Variants in KLHL1 observed in about 807,000 individuals in gnomAD.
KLHL1 encodes kelch like family member 1.
In KLHL1, 47 loss-of-function variants were observed where a neutral mutation model predicts 77.7. That is an observed-to-expected ratio of 0.60 (90% CI 0.48 to 0.77). The LOEUF is 0.77. Among genes scored for constraint, KLHL1 ranks in the 30% least tolerant of loss-of-function variants. The pLI is 0.00. For missense variants in KLHL1, 925 were observed against 910.8 expected (o/e 1.02, Z -0.20); for synonymous variants, 360 against 325.2 (o/e 1.11, Z -1.15).
At chr13:70,042,293 G>T (rs905740670) in intron 1 of KLHL1, among the ~76,000 whole-genome samples, 1 of 152,086 alleles carries the variant, frequency 6.6e-6, no homozygotes, top group Non-Finnish European at 1.5e-5. Flanking sequence ...GTCTGTGTGT[G>T]CGTGCTTGTG....
At chr13:69,894,491 AC>A (rs1483312177) in intron 4 of KLHL1, 1 of 165,106 alleles carries the variant, frequency 6.1e-6, no homozygotes. Context: ...ATCTCTCACC[AC>A]CAAAATTTGA....
intron 6 of KLHL1, among the ~76,000 whole-genome samples, chr13:69,799,845 C>T (rs554035981): frequency 1.3e-5 from 2 of 152,236 alleles, no homozygotes; most frequent in South Asian, 2.1e-4. Context: ...GGAACCAGGA[C>T]GCACAGCAGG....
chr13:69,740,470 G>C lies in KLHL1; in HGVS notation c.1726C>G (p.Gln576Glu). Reference sequence around the variant, plus strand: ...GCTACAAATGTCCATTGTTGACTCTGTGGATCCCACCTTTCCACTGTATTC... The same window carrying C: ...GCTACAAATGTCCATTGTTGACTCTCTGGATCCCACCTTTCCACTGTATTC... ...YLNTVERWDP[Q>E]SQQWTFVASM... Residue 576 changes from glutamine (Q) to glutamate (E), a missense_variant, in exon 8 of 11, where the codon CAG (glutamine) becomes GAG (glutamate). By Grantham distance (29) the Gln-to-Glu change is conservative. Transcript: ENST00000377844. 5 of 1,613,084 alleles carry C rather than the reference G, an allele frequency of 3.1e-6. No homozygotes were observed. The highest frequency in any genetic ancestry group is 4.2e-6 in the Non-Finnish European group (5 of 1,179,314).
At chr13:70,042,296 T>C (rs1433977947) in intron 1 of KLHL1, among the ~76,000 whole-genome samples, 1 of 152,182 alleles carries the variant, frequency 6.6e-6, no homozygotes, top group Admixed American at 6.6e-5. Context: ...TGTGTGTGCG[T>C]GCTTGTGTGG....
At chr13:69,864,171 C>A (rs1206452007) in intron 5 of KLHL1, among the ~76,000 whole-genome samples, 1 of 151,790 alleles carries the variant, frequency 6.6e-6, no homozygotes, top group Non-Finnish European at 1.5e-5. Context: ...AGTAGGATGA[C>A]CTTGTTTACT....
chr13:70,103,939 C>T (rs1343134021), intron 1 of KLHL1, among the ~76,000 whole-genome samples: 1 of 152,076 alleles, frequency 6.6e-6, no homozygotes, highest in Non-Finnish European at 1.5e-5. Flanking sequence ...TCTGTAAAGA[C>T]AGTTTATGGA....
chr13:69,934,102 T>A (rs1378319495), intron 4 of KLHL1, among the ~76,000 whole-genome samples: 2 of 152,116 alleles, frequency 1.3e-5, no homozygotes, highest in Non-Finnish European at 2.9e-5. Flanking sequence ...GATATAACAC[T>A]TGCCTTGCAG....
In KLHL1 at chr13:69,859,496, T is replaced by C. The variant is rs531083021; in HGVS notation, c.1228-20334A>G. Among the ~76,000 whole-genome samples, 6 of 152,178 alleles carry C rather than the reference T, an allele frequency of 3.9e-5. No individual in the cohort carries two copies. The South Asian group carries it at 1.0e-3, about 26-fold the overall frequency. On this transcript the variant is annotated intron_variant, in intron 5 of 10. Transcript: ENST00000377844. ...AGTAGGGCAGACGCTGTGACAGCTC[T>C]GGTCCTTCCCTCTAGGATATGCTAA... is the stretch of plus-strand genomic sequence containing the variant.
intron 1 of KLHL1, among the ~76,000 whole-genome samples, chr13:70,057,842 T>C (rs192115192): frequency 1.4e-5 from 2 of 142,136 alleles, no homozygotes; most frequent in South Asian, 4.6e-4. Flanking sequence ...AAGGCCAATA[T>C]CTCTGATGAA....
intron 5 of KLHL1, among the ~76,000 whole-genome samples, chr13:69,882,027 T>A (rs1043889915): frequency 2.6e-5 from 4 of 151,784 alleles, no homozygotes; most frequent in Non-Finnish European, 5.9e-5. Context: ...TATAAAGAGA[T>A]TGAATATCAG....
At chr13:69,722,830 A>G (rs752354239) in intron 8 of KLHL1, among the ~76,000 whole-genome samples, 5 of 152,074 alleles carry the variant, frequency 3.3e-5, no homozygotes, top group Non-Finnish European at 4.4e-5. Flanking sequence ...GTATATTCAA[A>G]GGAAATGAAA....
intron 1 of KLHL1, among the ~76,000 whole-genome samples, chr13:70,018,344 G>A (rs1200329475): frequency 6.6e-6 from 1 of 152,182 alleles, no homozygotes; most frequent in East Asian, 1.9e-4. Context: ...GCTGAGACTT[G>A]AACTCAAATA....
chr13:69,768,401 T>C (rs1308767802), intron 7 of KLHL1, among the ~76,000 whole-genome samples: 3 of 152,124 alleles, frequency 2.0e-5, no homozygotes, highest in Admixed American at 6.5e-5. Flanking sequence ...GCATGTCCAC[T>C]AGAGGTATGA....
chr13:69,803,411 C>A (rs1471179385), intron 6 of KLHL1, among the ~76,000 whole-genome samples: 1 of 152,152 alleles, frequency 6.6e-6, no homozygotes, highest in Non-Finnish European at 1.5e-5. Context: ...AGAAACACTT[C>A]TTTTTATGAC....
intron 5 of KLHL1, among the ~76,000 whole-genome samples, chr13:69,874,565 A>G (rs1880698247): frequency 6.6e-6 from 1 of 152,138 alleles, no homozygotes; most frequent in Non-Finnish European, 1.5e-5. Flanking sequence ...TCTTTTACTT[A>G]CAAATTATTA....
chr13:69,767,943 C>CAA (rs1434293385), intron 7 of KLHL1, among the ~76,000 whole-genome samples: 2 of 152,140 alleles, frequency 1.3e-5, no homozygotes, highest in African/African-American at 4.8e-5. Context: ...TATCTGGCCT[C>CAA]AAACTTTTTT....
chr13:69,857,227 T>C (rs66953333), intron 5 of KLHL1, among the ~76,000 whole-genome samples: 45,601 of 151,820 alleles, frequency 0.3, 7,313 homozygotes, highest in African/African-American at 0.42. Flanking sequence ...ACTTAAAAAC[T>C]CTCCTTCCTG....
At chr13:69,917,593 C>A (rs1332649624) in intron 4 of KLHL1, among the ~76,000 whole-genome samples, 1 of 152,032 alleles carries the variant, frequency 6.6e-6, no homozygotes, top group Non-Finnish European at 1.5e-5. Flanking sequence ...ATTGTGCCAG[C>A]AAACAAGGAA....
chr13:69,725,313 T>C (rs1432504811), intron 8 of KLHL1, among the ~76,000 whole-genome samples: 3 of 152,184 alleles, frequency 2.0e-5, no homozygotes, highest in African/African-American at 7.2e-5. Flanking sequence ...CATGTCTTGA[T>C]GTCCCAAAGT....
Sources: gnomAD v4.1 joint callset for allele counts (sites outside exome capture counted in the v4.1 genomes callset) on GRCh38, gnomAD v4.1.1 for gene constraint, MANE v1.5 for transcripts, NCBI Gene and HGNC (gene_info 2026-07-23, HGNC 2026-07-21) for gene names.